The following BRF1 variants were observed in gnomAD, a reference collection of about 807,000 sequenced individuals.
The protein encoded by BRF1 is BRF1 general transcription factor IIIB subunit, also known as transcription factor IIIB 90 kDa subunit.
In BRF1, 59 loss-of-function variants were observed where a neutral mutation model predicts 81.7. The ratio of observed to expected loss-of-function variants is 0.72; its 90% CI spans 0.59 to 0.90. The LOEUF is 0.90. Ranked by LOEUF, BRF1 falls within the 40% of genes least tolerant of loss-of-function variation. BRF1 has a pLI of 0.00. For missense variants in BRF1, 1,050 were observed against 936.3 expected (o/e 1.12, Z -1.58); for synonymous variants, 491 against 395.6 (o/e 1.24, Z -2.86).
chr14:105,229,461 G>A (rs587749214), intron 6 of BRF1, among the ~76,000 whole-genome samples: 17 of 152,356 alleles, frequency 1.1e-4, no homozygotes, highest in African/African-American at 1.9e-4. Context: ...GGGCACGAGG[G>A]TAAGGGCCCG....
chr14:105,249,305 G>T (rs1275546959), intron 5 of BRF1: 1 of 1,585,488 alleles, frequency 6.3e-7, no homozygotes, highest in Non-Finnish European at 8.6e-7. Context: ...CCGCCGTGTG[G>T]CTGACACGCA....
At chr14:105,266,453 G>C (rs1393903460) in intron 3 of BRF1, among the ~76,000 whole-genome samples, 1 of 151,866 alleles carries the variant, frequency 6.6e-6, no homozygotes, top group African/African-American at 2.4e-5. Flanking sequence ...ATTTACGTTA[G>C]GTAACAGATT....
At chr14:105,225,045 A>T (rs1047191171) in intron 10 of BRF1, among the ~76,000 whole-genome samples, 5 of 152,214 alleles carry the variant, frequency 3.3e-5, no homozygotes, top group African/African-American at 1.2e-4. Context: ...AAGTGGGCCC[A>T]GGCCGCAGGT....
At chr14:105,211,039 G>T in intron 17 of BRF1, 83 bp downstream of exon 17, 1 of 1,538,948 alleles carries the variant, frequency 6.5e-7, no homozygotes, top group Non-Finnish European at 8.7e-7. Flanking sequence ...GAAGCTAACA[G>T]GCCCAAGTTC....
chr14:105,295,562 C>T (rs587758536), intron 1 of BRF1, among the ~76,000 whole-genome samples: 40 of 151,942 alleles, frequency 2.6e-4, no homozygotes, highest in African/African-American at 9.7e-4. Flanking sequence ...AAGCCATGAC[C>T]ACTGCACTCC....
chr14:105,225,196 C>G (rs1469268784), intron 10 of BRF1, among the ~76,000 whole-genome samples: 1 of 152,206 alleles, frequency 6.6e-6, no homozygotes. Context: ...AACAGCCTCC[C>G]TACCTCCTGC....
chr14:105,228,791 T>A (rs2054233307), intron 7 of BRF1, 29 bp downstream of exon 7: 1 of 1,611,844 alleles, frequency 6.2e-7, no homozygotes, highest in Non-Finnish European at 8.5e-7. Flanking sequence ...CTCTGTGTGG[T>A]CCCCATGCCA....
intron 2 of BRF1, among the ~76,000 whole-genome samples, chr14:105,278,033 A>G (rs1033225074): frequency 2.6e-5 from 4 of 152,198 alleles, no homozygotes; most frequent in African/African-American, 9.7e-5. Flanking sequence ...GGATACAAGC[A>G]TGAGCCACTG....
At chr14:105,290,490 A>G (rs587758969) in intron 1 of BRF1, among the ~76,000 whole-genome samples, 2 of 152,314 alleles carry the variant, frequency 1.3e-5, no homozygotes, top group South Asian at 4.1e-4. Context: ...AGCCTCCATT[A>G]TAGCCACGTT....
At chr14:105,266,936 G>A (rs1392073722) in intron 3 of BRF1, among the ~76,000 whole-genome samples, 4 of 152,070 alleles carry the variant, frequency 2.6e-5, no homozygotes, top group Non-Finnish European at 2.9e-5. Context: ...CCAGCTACAC[G>A]GGAGGCTGAG....
chr14:105,248,370 T>TG, intron 5 of BRF1: 1 of 985,438 alleles, frequency 1.0e-6, no homozygotes, highest in Non-Finnish European at 1.2e-6. Flanking sequence ...ACTGCGGGTC[T>TG]GGGGGCGGCC....
chr14:105,242,096 G>A (rs1566824665), intron 5 of BRF1: 2 of 152,700 alleles, frequency 1.3e-5, no homozygotes, highest in Non-Finnish European at 2.9e-5. Context: ...ACCAGGCTCA[G>A]GTGGCTATGA....
intron 6 of BRF1, among the ~76,000 whole-genome samples, chr14:105,229,676 A>G (rs1164511119): frequency 2.0e-5 from 3 of 149,426 alleles, no homozygotes; most frequent in African/African-American, 7.4e-5. Context: ...TGGCACCCTC[A>G]GGAGCAACAA....
chr14:105,313,175 C>G (rs2058396655), intron 1 of BRF1, among the ~76,000 whole-genome samples: 1 of 152,218 alleles, frequency 6.6e-6, no homozygotes, highest in Non-Finnish European at 1.5e-5. Context: ...ACACAGGCAC[C>G]ATGTGTCAGG....
At chr14:105,285,896 T>C (rs587735908) in intron 2 of BRF1, among the ~76,000 whole-genome samples, 52 of 152,310 alleles carry the variant, frequency 3.4e-4, no homozygotes, top group African/African-American at 1.2e-3. Context: ...CATAAAGAAC[T>C]TTTTCAACTC....
intron 1 of BRF1, among the ~76,000 whole-genome samples, chr14:105,290,203 T>C (rs2057464629): frequency 6.6e-6 from 1 of 152,038 alleles, no homozygotes; most frequent in Non-Finnish European, 1.5e-5. Flanking sequence ...TTGGATCACC[T>C]GAGGTTGGGA....
chr14:105,226,625 C>T lies in BRF1; in HGVS notation c.915+9G>A, dbSNP rs186813181. The T allele has an allele frequency of 6.5e-4, 1,051 of 1,612,896 alleles. 5 individuals carry two copies. The African/African-American group carries it at 0.011, about 17-fold the overall frequency. On this transcript the variant is annotated intron_variant, in intron 8 of 17. Transcript: ENST00000547530. Reference sequence around the variant, plus strand: ...GCCCAGCACAGACAGACACCAAAGCCGGCGCTACCTGCTTCATCCGCAGCT... The same window carrying T: ...GCCCAGCACAGACAGACACCAAAGCTGGCGCTACCTGCTTCATCCGCAGCT...
chr14:105,243,984 A>T (rs181806538), intron 5 of BRF1, among the ~76,000 whole-genome samples: 8 of 152,322 alleles, frequency 5.3e-5, no homozygotes, highest in African/African-American at 1.9e-4. Context: ...TAGGCGACAG[A>T]GCGAGACTCC....
chr14:105,252,129 A>G (rs1023003963), intron 5 of BRF1, among the ~76,000 whole-genome samples: 1 of 152,094 alleles, frequency 6.6e-6, no homozygotes, highest in African/African-American at 2.4e-5. Flanking sequence ...CCCTGTCTAC[A>G]CCTTCCTGCC....
Sources: allele counts gnomAD v4.1 joint callset (sites outside exome capture counted in the v4.1 genomes callset), GRCh38; gene constraint gnomAD v4.1.1; transcripts MANE v1.5; gene names NCBI Gene and HGNC (gene_info 2026-07-23, HGNC 2026-07-21).